GRK3: variants seen among roughly 807,000 people sequenced by gnomAD.
GRK3 encodes the protein adrenergic, beta, receptor kinase 2.
A neutral mutation model predicts 95.7 loss-of-function variants in GRK3; 54 were observed. The observed-to-expected ratio is 0.56, with a 90% CI of 0.45 to 0.71. The LOEUF is 0.71. Among genes scored for constraint, GRK3 ranks in the 30% least tolerant of loss-of-function variants. GRK3 has a pLI of 0.00. For missense variants in GRK3, 649 were observed against 851.2 expected (o/e 0.76, Z 2.96); for synonymous variants, 281 against 290.8 (o/e 0.97, Z 0.34).
intron 2 of GRK3, among the ~76,000 whole-genome samples, chr22:25,608,135 A>G (rs544817632): frequency 3.0e-4 from 46 of 152,288 alleles, no homozygotes; most frequent in African/African-American, 1.1e-3. Flanking sequence ...TTTATTAGGG[A>G]TCAACTTAAC....
chr22:25,701,091 A>C (rs936386887), intron 13 of GRK3, among the ~76,000 whole-genome samples: 5 of 152,214 alleles, frequency 3.3e-5, no homozygotes, highest in Non-Finnish European at 1.5e-5. Context: ...AGAAAGCTGC[A>C]CTTGACCACA....
At chr22:25,649,233 T>TA in intron 3 of GRK3, 2 of 1,230,864 alleles carry the variant, frequency 1.6e-6, no homozygotes, top group Admixed American at 1.7e-5. Context: ...AGAAAACTTC[T>TA]AATTCAAGTA....
chr22:25,604,307 C>T, intron 1 of GRK3, 70 bp from the exon 2 acceptor site: 1 of 1,145,150 alleles, frequency 8.7e-7, no homozygotes, highest in Non-Finnish European at 1.3e-6. Flanking sequence ...ATCCGTATCT[C>T]TTCCATCCTG....
chr22:25,648,462 T>G, intron 3 of GRK3: 1 of 1,332,972 alleles, frequency 7.5e-7, no homozygotes, highest in Admixed American at 1.7e-5. Context: ...AGGACAAGGA[T>G]GTTTTGGCAA....
intron 17 of GRK3, among the ~76,000 whole-genome samples, chr22:25,711,392 T>C (rs2085342813): frequency 6.6e-6 from 1 of 152,146 alleles, no homozygotes; most frequent in Non-Finnish European, 1.5e-5. Flanking sequence ...TAAAATATTA[T>C]TGATTTGGAA....
intron 2 of GRK3, among the ~76,000 whole-genome samples, chr22:25,618,914 T>G (rs2084559974): frequency 3.9e-5 from 6 of 152,156 alleles, no homozygotes; most frequent in Admixed American, 3.9e-4. Flanking sequence ...TTATTTTCCT[T>G]CTCTGAAAGA....
intron 3 of GRK3, chr22:25,648,490 G>A (rs2084803591): frequency 1.4e-6 from 2 of 1,425,128 alleles, no homozygotes; most frequent in Middle Eastern, 1.9e-4. Context: ...ATGGGAATAT[G>A]GAATGGAACC....
At chr22:25,581,815 A>G (rs1245253973) in intron 1 of GRK3, among the ~76,000 whole-genome samples, 2 of 152,170 alleles carry the variant, frequency 1.3e-5, no homozygotes, top group African/African-American at 4.8e-5. Context: ...GCAGAAAAAA[A>G]AAAAAGTAAC....
chr22:25,675,040 T>C (rs2085016331), intron 8 of GRK3, among the ~76,000 whole-genome samples: 1 of 152,008 alleles, frequency 6.6e-6, no homozygotes. Flanking sequence ...AGTTCAACAA[T>C]AACCTTGTAT....
intron 3 of GRK3, among the ~76,000 whole-genome samples, chr22:25,655,055 C>G (rs1391335319): frequency 6.6e-6 from 1 of 152,176 alleles, no homozygotes; most frequent in African/African-American, 2.4e-5. Context: ...TCTGACCCCT[C>G]ATTTTTGTCA....
Position 25,609,688 on chromosome 22 carries a change from T to C in GRK3, c.190+5235T>C, listed in dbSNP as rs548951745. Among the ~76,000 whole-genome samples the C allele has an allele frequency of 5.3e-5, 8 of 152,222 alleles. No individual in the cohort carries two copies. The South Asian group carries it at 1.7e-3, about 32-fold the overall frequency. On this transcript the variant is annotated intron_variant, in intron 2 of 20. Transcript: ENST00000324198. Reference sequence around the variant, plus strand: ...ATGTCATTCTCATGTATAAAGAACGTGGTAATATAATATTATATCACATAC... The same window carrying C: ...ATGTCATTCTCATGTATAAAGAACGCGGTAATATAATATTATATCACATAC...
intron 6 of GRK3, among the ~76,000 whole-genome samples, chr22:25,670,987 G>A (rs1197866606): frequency 6.6e-6 from 1 of 151,588 alleles, no homozygotes; most frequent in Non-Finnish European, 1.5e-5. Flanking sequence ...CCGGGAGGCG[G>A]AGTTTGCAGT....
intron 13 of GRK3, among the ~76,000 whole-genome samples, chr22:25,696,870 C>T (rs143745253): frequency 1.4e-3 from 211 of 152,322 alleles, no homozygotes; most frequent in African/African-American, 4.8e-3. Flanking sequence ...TTTGTGGAGC[C>T]TGGATGGCTT....
intron 1 of GRK3, among the ~76,000 whole-genome samples, chr22:25,583,711 G>A (rs1490971381): frequency 6.6e-6 from 1 of 152,110 alleles, no homozygotes; most frequent in Non-Finnish European, 1.5e-5. Context: ...CAGATGAGTT[G>A]TCTTTTCCTT....
At chr22:25,644,461 A>T in intron 2 of GRK3, 131 bp from the exon 3 acceptor site, 1 of 475,532 alleles carries the variant, frequency 2.1e-6, no homozygotes, top group Non-Finnish European at 3.7e-6. Context: ...TAGCTTCTTG[A>T]AATCTTTTTT....
At chr22:25,636,775 T>C (rs1408481872) in intron 2 of GRK3, among the ~76,000 whole-genome samples, 1 of 152,200 alleles carries the variant, frequency 6.6e-6, no homozygotes, top group Non-Finnish European at 1.5e-5. Context: ...CAGTTTTGCC[T>C]GTTCTAGAAT....
At chr22:25,684,003 A>T (rs1208449433) in intron 9 of GRK3, among the ~76,000 whole-genome samples, 2 of 152,198 alleles carry the variant, frequency 1.3e-5, no homozygotes, top group African/African-American at 4.8e-5. Flanking sequence ...TTTTACACTT[A>T]AATCTACATC....
At chr22:25,571,530 A>T (rs1019229758) in intron 1 of GRK3, among the ~76,000 whole-genome samples, 6 of 152,172 alleles carry the variant, frequency 3.9e-5, no homozygotes, top group Non-Finnish European at 5.9e-5. Flanking sequence ...AGAAATGATT[A>T]AAAACACTTA....
At chr22:25,579,343 C>T (rs144725759) in intron 1 of GRK3, among the ~76,000 whole-genome samples, 266 of 151,320 alleles carry the variant, frequency 1.8e-3, no homozygotes, top group African/African-American at 6.0e-3. Context: ...TATGGGGTTT[C>T]GCCATGTTGC....
Sources: gnomAD v4.1 joint callset for allele counts (sites outside exome capture counted in the v4.1 genomes callset) on GRCh38, gnomAD v4.1.1 for gene constraint, MANE v1.5 for transcripts, NCBI Gene and HGNC (gene_info 2026-07-23, HGNC 2026-07-21) for gene names.